CHD1: variants seen among roughly 807,000 people sequenced by gnomAD.
CHD1 encodes the protein chromodomain helicase DNA binding protein 1, also known as ATP-dependent chromatin remodeler CHD1.
CHD1 carries 36 observed loss-of-function variants against 224.2 expected under a neutral mutation model. The ratio of observed to expected loss-of-function variants is 0.16; its 90% CI spans 0.12 to 0.21. The LOEUF is 0.21. Ranked by LOEUF, CHD1 falls within the 10% of genes least tolerant of loss-of-function variation. The probability of loss-of-function intolerance (pLI) is 1.00; values close to 1 mark genes in which losing one functional copy is unlikely to be tolerated. For synonymous variants in CHD1, 668 were observed against 658.3 expected, an observed-to-expected ratio of 1.01 and a Z score of -0.23; for missense variants, 1,378 against 1,994.8, an observed-to-expected ratio of 0.69 and a Z score of 5.89.
At chr5:98,895,523 C>T (rs551910471) in intron 12 of CHD1, among the ~76,000 whole-genome samples, 3 of 151,584 alleles carry the variant, frequency 2.0e-5, no homozygotes, top group Admixed American at 1.3e-4. Context: ...GAGGCCAAGG[C>T]AGGTGGATCA....
intron 2 of CHD1, among the ~76,000 whole-genome samples, chr5:98,917,299 C>CAAAAAAAAAAACAA (rs1554081938): frequency 1.7e-5 from 2 of 119,852 alleles, no homozygotes; most frequent in Non-Finnish European, 3.3e-5. Context: ...AACAAAGAAA[C>CAAAAAAAAAAACAA]AAAAAAAAAA....
chr5:98,886,870 G>C (rs1372273596), intron 17 of CHD1, among the ~76,000 whole-genome samples: 1 of 152,102 alleles, frequency 6.6e-6, no homozygotes, highest in African/African-American at 2.4e-5. Flanking sequence ...AGTGACCTAG[G>C]AATGAGAAGG....
chr5:98,877,165 C>A (rs149825900), intron 23 of CHD1, among the ~76,000 whole-genome samples: 15 of 152,246 alleles, frequency 9.9e-5, no homozygotes, highest in African/African-American at 3.1e-4. Context: ...ACAGTGAGAT[C>A]CTGTCTCAAA....
intron 2 of CHD1, among the ~76,000 whole-genome samples, chr5:98,920,227 A>G (rs1367260529): frequency 1.3e-5 from 2 of 152,184 alleles, no homozygotes; most frequent in Non-Finnish European, 2.9e-5. Flanking sequence ...TAATATATGT[A>G]AATACTCCCC....
chr5:98,900,073 G>A (rs1389443788), intron 7 of CHD1, among the ~76,000 whole-genome samples: 1 of 152,034 alleles, frequency 6.6e-6, no homozygotes. Context: ...ACGAGGTCAG[G>A]AGATCAAGAC....
rs184460673 is a variant in CHD1, at chr5:98,865,157, G to A, written c.4249-1571C>T. Among the ~76,000 whole-genome samples the A allele has an allele frequency of 8.5e-4, 130 of 152,252 alleles. 3 individuals carry two copies. The East Asian group carries it at 0.024, about 28-fold the overall frequency. ...GAGAGGACACCTAAAGAAAATGAAG[G>A]AGCAAGCCATTCCAAGTAGAGGAAA... On this transcript the variant is annotated intron_variant, in intron 31 of 35. Transcript: ENST00000614616.
intron 32 of CHD1, among the ~76,000 whole-genome samples, chr5:98,861,288 G>T (rs1748448568): frequency 6.6e-6 from 1 of 152,034 alleles, no homozygotes; most frequent in Non-Finnish European, 1.5e-5. Context: ...CTATTAAAAG[G>T]ATCAGCTAGA....
rs112256425 is a variant in CHD1, at chr5:98,883,629, G to T, written c.2569-392C>A. On this transcript the variant is annotated intron_variant, in intron 18 of 35. Coordinates refer to ENST00000614616, the MANE Select transcript of CHD1 (RefSeq NM_001270.4). ...CTGAGTATCTGCCCAGAGCAAAAAAGTCATTACATGAAAAAGATACTTGTA... is the reference window on the plus strand; with the variant it reads ...CTGAGTATCTGCCCAGAGCAAAAAATTCATTACATGAAAAAGATACTTGTA... 4.6e-3 allele frequency among the ~76,000 whole-genome samples: 699 copies of T among 151,748 alleles called. 8 individuals are homozygous for T. Among genetic ancestry groups the T allele is most frequent in the African/African-American group, 0.015 (641 of 41,394 alleles).
chr5:98,901,901 G>A (rs987018213), intron 5 of CHD1, among the ~76,000 whole-genome samples: 1 of 151,956 alleles, frequency 6.6e-6, no homozygotes, highest in East Asian at 1.9e-4. Flanking sequence ...ATCATAAGAA[G>A]TTCAAATGAA....
At chr5:98,858,890 T>G in intron 34 of CHD1, 74 bp downstream of exon 34, 2 of 917,888 alleles carry the variant, frequency 2.2e-6, no homozygotes. Flanking sequence ...TTTTTTATCA[T>G]TTGGTTTATT....
intron 25 of CHD1, 42 bp downstream of exon 25, chr5:98,875,030 T>A (rs1221464482): frequency 9.9e-7 from 1 of 1,013,364 alleles, no homozygotes; most frequent in African/African-American, 1.6e-5. Context: ...TGACAGCATG[T>A]AACACATTCC....
At position 98,899,637 on chromosome 5, in the gene CHD1, T is replaced by G; in HGVS notation, c.928A>C (p.Asn310His). 3 of 1,614,052 alleles carry G rather than the reference T, an allele frequency of 1.9e-6. No individual in the cohort carries two copies. The highest frequency in any genetic ancestry group is 2.5e-6 in the Non-Finnish European group (3 of 1,179,990). The change falls in exon 8 of 36, where the codon AAC becomes CAC. Residue 310 changes from asparagine (N) to histidine (H), a missense_variant. Physicochemically the swap from Asn to His is moderately conservative, Grantham distance 68. This residue lies in a region of CHD1 where 40 missense variants were observed against 60.0 expected (regional missense o/e 0.67). Coordinates refer to ENST00000614616, the MANE Select transcript of CHD1 (RefSeq NM_001270.4). Reference sequence around the variant, plus strand: ...TACTGAATCTCTCCTGGTTCTTTGTTTTTTTCAAAGCCTGCATTTGGGTCA... The same window carrying G: ...TACTGAATCTCTCCTGGTTCTTTGTGTTTTTCAAAGCCTGCATTTGGGTCA... ...DGDPNAGFEKNKEPGEIQYLI... is the reference protein window; with the variant it reads ...DGDPNAGFEKHKEPGEIQYLI...
chr5:98,927,786 C>G (rs1753573580), intron 1 of CHD1, among the ~76,000 whole-genome samples: 1 of 152,094 alleles, frequency 6.6e-6, no homozygotes, highest in Non-Finnish European at 1.5e-5. Flanking sequence ...CTCAAAATGG[C>G]TTTCTCTGTA....
chr5:98,881,209 C>G (rs928916604), intron 21 of CHD1, 38 bp from the exon 22 acceptor site: 2 of 1,423,646 alleles, frequency 1.4e-6, no homozygotes, highest in Non-Finnish European at 1.9e-6. Context: ...ATACTTGAAT[C>G]CTTTCATCCT....
At chr5:98,875,745 TA>T (rs565597859) in intron 24 of CHD1, among the ~76,000 whole-genome samples, 77 of 152,210 alleles carry the variant, frequency 5.1e-4, no homozygotes, top group African/African-American at 1.8e-3. Context: ...TCTAAGATTT[TA>T]AAAGAAAAAA....
intron 2 of CHD1, among the ~76,000 whole-genome samples, chr5:98,920,000 AC>A (rs1752984017): frequency 6.6e-6 from 1 of 152,168 alleles, no homozygotes; most frequent in Non-Finnish European, 1.5e-5. Context: ...ATACGAGCCA[AC>A]CTAAAAAAGC....
intron 32 of CHD1, among the ~76,000 whole-genome samples, chr5:98,861,620 GCCT>G: frequency 6.6e-6 from 1 of 151,054 alleles, no homozygotes; most frequent in Non-Finnish European, 1.5e-5. Context: ...TCTTGCCTCA[GCCT>G]CCTGAGTAGC....
intron 16 of CHD1, among the ~76,000 whole-genome samples, 180 bp downstream of exon 16, chr5:98,888,896 T>C (rs982858158): frequency 2.0e-5 from 3 of 152,212 alleles, no homozygotes; most frequent in African/African-American, 4.8e-5. Context: ...AATAATTACA[T>C]AAATTAGAAT....
At position 98,863,467 on chromosome 5, in the gene CHD1, G is replaced by T; in HGVS notation, c.4368C>A (p.Asp1456Glu). 1 of 1,605,208 alleles carries T rather than the reference G, an allele frequency of 6.2e-7. No individual in the cohort carries two copies. Among genetic ancestry groups the T allele is most frequent in the East Asian group, 2.2e-5 (1 of 44,662 alleles). Residue 1456 changes from aspartate (D) to glutamate (E), a missense_variant, in exon 32 of 36, where the codon GAC (aspartate) becomes GAA (glutamate). Transcript: ENST00000614616. Reference protein sequence around the residue: ...HTRQCLIKIGDHITECLKEYT... With the variant: ...HTRQCLIKIGEHITECLKEYT... The stretch of plus-strand genomic sequence containing the variant: ...ACTCTTTTAGACATTCTGTGATATG[G>T]TCTCCAATTTTTATTAAACATTGTC...
Sources: gnomAD v4.1 joint callset for allele counts (sites outside exome capture counted in the v4.1 genomes callset) on GRCh38, gnomAD v4.1.1 for gene constraint, gnomAD v4.1.1 regional missense constraint, MANE v1.5 for transcripts, NCBI Gene and HGNC (gene_info 2026-07-23, HGNC 2026-07-21) for gene names.